The following ZFHX3 variants were observed in gnomAD, a reference collection of about 807,000 sequenced individuals.
ZFHX3 encodes the protein zinc finger homeobox 3, also known as zinc finger homeobox protein 3.
Under a neutral mutation model 279.1 loss-of-function variants are expected in ZFHX3, and 42 were observed. The observed-to-expected ratio is 0.15, with a 90% CI of 0.12 to 0.19. The LOEUF is 0.19. Among genes scored for constraint, ZFHX3 ranks in the 10% least tolerant of loss-of-function variants. The pLI is 1.00. For synonymous variants in ZFHX3, 2,293 were observed against 1,957.8 expected, an observed-to-expected ratio of 1.17 and a Z score of -4.52; for missense variants, 4,981 against 4,754.0, an observed-to-expected ratio of 1.05 and a Z score of -1.40.
intron 8 of ZFHX3, among the ~76,000 whole-genome samples, chr16:73,066,672 G>T (rs2144750322): frequency 6.6e-6 from 1 of 152,288 alleles, no homozygotes; most frequent in South Asian, 2.1e-4. Flanking sequence ...CGAGGCCCGG[G>T]GGACCGCCCC....
intron 4 of ZFHX3, among the ~76,000 whole-genome samples, chr16:72,881,702 G>A (rs1182063838): frequency 1.3e-5 from 2 of 152,208 alleles, no homozygotes; most frequent in South Asian, 2.1e-4. Context: ...ATATGGGAGG[G>A]GTCTGCACAC....
At chr16:72,886,632 A>G (rs570562931) in intron 4 of ZFHX3, among the ~76,000 whole-genome samples, 1 of 152,316 alleles carries the variant, frequency 6.6e-6, no homozygotes, top group South Asian at 2.1e-4. Flanking sequence ...CAGATGATTA[A>G]AACAATGATG....
chr16:73,405,966 A>C (rs576918887), intron 3 of ZFHX3, among the ~76,000 whole-genome samples: 12 of 152,354 alleles, frequency 7.9e-5, no homozygotes, highest in Admixed American at 6.5e-4. Context: ...TGCCACACAA[A>C]CAATTCCTCC....
intron 2 of ZFHX3, among the ~76,000 whole-genome samples, chr16:73,642,151 C>A (rs985703269): frequency 6.6e-6 from 1 of 152,176 alleles, no homozygotes; most frequent in Non-Finnish European, 1.5e-5. Context: ...CCCAGTCTCT[C>A]GTGAAAGCAG....
Position 72,793,580 on chromosome 16 carries a change from G to A in ZFHX3, c.9102C>T (p.Ser3034=), listed in dbSNP as rs1245073619. ...TATGGTCACGTACAGACAGCCGAGC[G>A]CTGTACTTGATGCCACACAAAGTGC... The part of the protein sequence containing the change: ...TECTLCGIKY[S]ARLSVRDHIF... Residue 3034 remains serine (S), a synonymous_variant, in exon 9 of 10, where the codon AGC becomes AGT. Coordinates refer to ENST00000268489, the MANE Select transcript of ZFHX3 (RefSeq NM_006885.4). The surrounding 1 kb of genome is among the most constrained non-coding windows in gnomAD (Gnocchi z 4.3). 7.4e-6 allele frequency: 12 copies of A among 1,614,044 alleles called. No homozygotes were observed. Among genetic ancestry groups the A allele is most frequent in the African/African-American group, 5.3e-5 (4 of 74,914 alleles).
intron 4 of ZFHX3, among the ~76,000 whole-genome samples, chr16:72,881,618 A>G (rs1237922973): frequency 6.6e-6 from 1 of 152,224 alleles, no homozygotes. Flanking sequence ...ACAGGTACAA[A>G]TCATTATTTC....
At chr16:72,869,001 A>T (rs1319121668) in intron 4 of ZFHX3, among the ~76,000 whole-genome samples, 1 of 152,252 alleles carries the variant, frequency 6.6e-6, no homozygotes, top group East Asian at 1.9e-4. Context: ...AAATCCAAAT[A>T]ACAGAGAAAG....
rs1287288704 is a variant in ZFHX3, at chr16:72,784,768, T to G, written c.*2396A>C. The G allele has an allele frequency of 6.6e-6, 1 of 152,572 alleles. No homozygotes were observed. The highest frequency in any genetic ancestry group is 1.5e-5 in the Non-Finnish European group (1 of 68,010). The allele number at this position is 152,572 out of a possible 1,614,324, so 9.5% of individuals were successfully genotyped here. On this transcript the variant is annotated 3_prime_UTR_variant, in exon 10 of 10. Coordinates refer to ENST00000268489, the MANE Select transcript of ZFHX3 (RefSeq NM_006885.4). ...TGGTATGAATAGTTAGATGGTATTC[T>G]TTCTTTAGTATTTCTACTTAAAAAA...
chr16:73,365,432 T>C (rs1373223821), intron 3 of ZFHX3, among the ~76,000 whole-genome samples: 1 of 152,184 alleles, frequency 6.6e-6, no homozygotes, highest in African/African-American at 2.4e-5. Flanking sequence ...AAGCTTATAA[T>C]GGAGGAGAGA....
At chr16:72,798,825 T>C in intron 8 of ZFHX3, 111 bp from the exon 9 acceptor site, 4 of 1,438,088 alleles carry the variant, frequency 2.8e-6, no homozygotes, top group Non-Finnish European at 3.6e-6. Flanking sequence ...AATCTGATGA[T>C]GAGGGAAGTG....
chr16:73,846,315 C>T (rs1437618271), intron 1 of ZFHX3, among the ~76,000 whole-genome samples: 4 of 152,178 alleles, frequency 2.6e-5, no homozygotes, highest in African/African-American at 4.8e-5. Flanking sequence ...AAAATAGGAG[C>T]GTCTATCCTC....
intron 1 of ZFHX3, among the ~76,000 whole-genome samples, chr16:73,725,571 G>A (rs1450089204): frequency 6.6e-6 from 1 of 151,550 alleles, no homozygotes; most frequent in Non-Finnish European, 1.5e-5. Context: ...GTGTGTGTAG[G>A]CTGAGGGAGG....
intron 7 of ZFHX3, among the ~76,000 whole-genome samples, chr16:73,119,167 G>A (rs940163806): frequency 3.3e-5 from 5 of 151,994 alleles, no homozygotes; most frequent in Non-Finnish European, 5.9e-5. Flanking sequence ...GCAGTGGTGC[G>A]ATCATGGCTC....
intron 2 of ZFHX3, among the ~76,000 whole-genome samples, chr16:73,475,235 A>G (rs1273624901): frequency 6.6e-6 from 1 of 152,262 alleles, no homozygotes; most frequent in Non-Finnish European, 1.5e-5. Context: ...ATTCACCAAT[A>G]CACTGACTTT....
rs751784709 is a variant in ZFHX3, at chr16:72,795,246, G to C, written c.7436C>G (p.Ser2479Trp). The C allele has an allele frequency of 1.8e-5, 29 of 1,610,990 alleles. No individual in the cohort carries two copies. ...QKLPQLVSLP[S>W]LPQPPPQAPP... is the part of the protein sequence containing the mutation. ...CGCTTGTGGAGGAGGCTGTGGCAAC[G>C]AAGGCAGGGACACCAGCTGGGGGAG... Residue 2479 changes from serine (S) to tryptophan (W), a missense_variant, in exon 9 of 10, where the codon TCG (serine) becomes TGG (tryptophan). By Grantham distance (177) the Ser-to-Trp change is radical. Around this residue, in one of 7 missense-constraint regions of ZFHX3, gnomAD observed 744 missense variants for 701.3 expected, o/e 1.06. Coordinates refer to ENST00000268489, the MANE Select transcript of ZFHX3 (RefSeq NM_006885.4).
At chr16:72,840,080 C>A (rs2037307475) in intron 4 of ZFHX3, among the ~76,000 whole-genome samples, 1 of 150,588 alleles carries the variant, frequency 6.6e-6, no homozygotes, top group Admixed American at 6.6e-5. Context: ...CCTTCTGAAT[C>A]AAAACTGACT....
Position 72,788,396 on chromosome 16 carries a change from C to CAGCCTGCAG in ZFHX3, c.9879_9880insCTGCAGGCT (p.Leu3291_Ala3293dup). 6.2e-7 allele frequency: 1 copy of CAGCCTGCAG among 1,614,170 alleles called. No individual in the cohort carries two copies. The highest frequency in any genetic ancestry group is 8.5e-7 in the Non-Finnish European group (1 of 1,180,026). ...AATGCTGTGGGGTCCGAAGTCAACGCGGCCTGCAGGGCCTGCAGCTGTGCA... is the reference window on the plus strand; with the variant it reads ...AATGCTGTGGGGTCCGAAGTCAACGCAGCCTGCAGGGCCTGCAGGGCCTGCAGCTGTGCA... On this transcript the variant is annotated inframe_insertion, in exon 10 of 10. Coordinates refer to ENST00000268489, the MANE Select transcript of ZFHX3 (RefSeq NM_006885.4).
At chr16:73,383,412 C>G (rs950311065) in intron 3 of ZFHX3, among the ~76,000 whole-genome samples, 1 of 152,168 alleles carries the variant, frequency 6.6e-6, no homozygotes, top group African/African-American at 2.4e-5. Context: ...AGGCTCCGTG[C>G]AGAGCCTCCG....
intron 3 of ZFHX3, among the ~76,000 whole-genome samples, chr16:72,915,334 T>G (rs1243233425): frequency 1.3e-5 from 2 of 152,170 alleles, no homozygotes; most frequent in East Asian, 3.9e-4. Flanking sequence ...AGACAGCAGA[T>G]CTTCCATCAA....
Sources: allele counts gnomAD v4.1 joint callset (sites outside exome capture counted in the v4.1 genomes callset), GRCh38; gene constraint gnomAD v4.1.1; regional missense constraint gnomAD v4.1.1; non-coding constraint Gnocchi (gnomAD v3.1); transcripts MANE v1.5; gene names NCBI Gene and HGNC (gene_info 2026-07-23, HGNC 2026-07-21).